The following NFATC1 variants were observed in gnomAD, a reference collection of about 807,000 sequenced individuals.
NFATC1 encodes nuclear factor of activated T-cells, cytoplasmic 1.
In NFATC1, 22 loss-of-function variants were observed where a neutral mutation model predicts 76.0. The ratio of observed to expected loss-of-function variants is 0.29; its 90% confidence interval spans 0.21 to 0.41. The LOEUF is 0.41. Ranked by LOEUF, NFATC1 falls within the 10% of genes least tolerant of loss-of-function variation. The pLI is 1.00. For synonymous variants in NFATC1, 704 were observed against 613.1 expected (o/e 1.15, Z -2.19); for missense variants, 1,357 against 1,337.7 (o/e 1.01, Z -0.23).
At position 79,464,673 on chromosome 18, in the gene NFATC1, T is replaced by TATATATATACACAC. The variant is rs1308332362; in HGVS notation, c.1960-2775_1960-2774insATATATACACACAT. Among the ~76,000 whole-genome samples, 164 of 115,700 alleles carry TATATATATACACAC rather than the reference T, an allele frequency of 1.4e-3. 11 individuals carry two copies. Among genetic ancestry groups the TATATATATACACAC allele is most frequent in the African/African-American group, 2.8e-3 (68 of 24,726 alleles). The allele number at this position is 115,700 out of a possible 152,430, so 75.9% of individuals were successfully genotyped here. A position where few individuals can be genotyped will look rare whatever the true frequency, so the allele number is the denominator to read the frequency against. On this transcript the variant is annotated intron_variant, in intron 7 of 9. Transcript: ENST00000427363. ...TTGTGTGTGTGTGTGTGTGTGTGTA[T>TATATATATACACAC]ATGTATGTGTATATATATATATTTA...
At chr18:79,458,306 CGGGGAGCAGGGCACGAGGATGCTTT>C (rs200434048) in intron 6 of NFATC1, among the ~76,000 whole-genome samples, 1,969 of 147,480 alleles carry the variant, frequency 0.013, 44 homozygotes, top group African/African-American at 0.045. Flanking sequence ...GAGGACGCCG[CGGGGAGCAGGGCACGAGGATGCTTT>C]GGGGAGCAGG....
intron 8 of NFATC1, 151 bp downstream of exon 8, chr18:79,467,733 C>T: frequency 7.9e-7 from 1 of 1,263,132 alleles, no homozygotes; most frequent in Non-Finnish European, 1.0e-6. Flanking sequence ...CATCGATGCC[C>T]TGAAAAGGAA....
chr18:79,440,974 G>A (rs570174632), intron 3 of NFATC1, among the ~76,000 whole-genome samples: 4 of 152,316 alleles, frequency 2.6e-5, no homozygotes, highest in South Asian at 4.1e-4. Flanking sequence ...GCTCGTGTCC[G>A]TGGACCTGCC....
In NFATC1 at chr18:79,420,211, A is replaced by G. The variant is rs577169594; in HGVS notation, c.1226+8710A>G. 3.4e-3 allele frequency among the ~76,000 whole-genome samples: 478 copies of G among 139,532 alleles called. 2 individuals are homozygous for G. Among genetic ancestry groups the G allele is most frequent in the African/African-American group, 0.012 (443 of 36,704 alleles). The allele number at this position is 139,532 out of a possible 152,430, so 91.5% of individuals were successfully genotyped here. A position where few individuals can be genotyped will look rare whatever the true frequency, so the allele number is the denominator to read the frequency against. The stretch of plus-strand genomic sequence containing the variant: ...GTTTCCAGGCGACGTCGCTGCAGAG[A>G]GGAAGAGGGGGACGCGTTTCCAGGT... On this transcript the variant is annotated intron_variant, in intron 2 of 9. Coordinates refer to ENST00000427363, the MANE Select transcript of NFATC1 (RefSeq NM_001278669.2).
chr18:79,405,124 G>A (rs1309975490), intron 1 of NFATC1, among the ~76,000 whole-genome samples: 3 of 152,318 alleles, frequency 2.0e-5, no homozygotes, highest in Non-Finnish European at 2.9e-5. Context: ...CCTGTGTGTC[G>A]TGGGGCACCT....
intron 2 of NFATC1, 56 bp from the exon 3 acceptor site, chr18:79,433,523 G>T: frequency 5.6e-6 from 9 of 1,604,086 alleles, no homozygotes; most frequent in Non-Finnish European, 7.7e-6. Context: ...GGGCACGTGT[G>T]GCCCGGGCGA....
intron 2 of NFATC1, chr18:79,421,440 A>G (rs1279971360): frequency 6.6e-6 from 1 of 152,368 alleles, no homozygotes; most frequent in Non-Finnish European, 1.5e-5. Flanking sequence ...TTTCGCCTGG[A>G]GCCCTGGCTG....
rs371632746 is a variant in NFATC1 at position 79,490,993 on chromosome 18, G to T, written c.2782+4056G>T. 2.6e-5 allele frequency among the ~76,000 whole-genome samples: 4 copies of T among 152,206 alleles called. No individual in the cohort carries two copies. In the South Asian group the frequency reaches 6.2e-4, roughly 24 times the overall value. ...CGAGACTCCAGCTCCATGGAAATGC[G>T]GGGGTGTACCTGGGGACCGTCTCGA... On this transcript the variant is annotated intron_variant, in intron 9 of 9. Coordinates refer to ENST00000427363, the MANE Select transcript of NFATC1 (RefSeq NM_001278669.2).
rs564403953 is a variant in NFATC1, at chr18:79,396,221, G to A, written c.-4G>A. The A allele has an allele frequency of 6.1e-6, 9 of 1,482,668 alleles. No individual in the cohort carries two copies. The highest frequency in any genetic ancestry group is 3.0e-5 in the East Asian group (1 of 33,702). 91.8% of individuals were successfully genotyped at this position (1,482,668 alleles called of 1,614,324 possible). On this transcript the variant is annotated 5_prime_UTR_variant, in exon 1 of 10. Transcript: ENST00000427363. ...CCGCTCCACTCCCCGCCGCCGCCGC[G>A]CGGATGCCAAGCACCAGCTTTCCAG...
chr18:79,422,967 T>C (rs1162138725), intron 2 of NFATC1, among the ~76,000 whole-genome samples: 2 of 151,000 alleles, frequency 1.3e-5, no homozygotes, highest in Non-Finnish European at 1.5e-5. Flanking sequence ...GAGCTCAGCT[T>C]CTCACCCATC....
chr18:79,398,641 C>T (rs1039004635), intron 1 of NFATC1, among the ~76,000 whole-genome samples: 1 of 152,204 alleles, frequency 6.6e-6, no homozygotes, highest in African/African-American at 2.4e-5. Flanking sequence ...GAGCCTCCAT[C>T]CCTGCAGGGC....
chr18:79,475,250 G>A lies in NFATC1; in HGVS notation c.2092+7668G>A, dbSNP rs532272536. Reference sequence around the variant, plus strand: ...AGGGAAGTGTGTTCTCACGCTCACCGTCGACGTTGTAAACCTGAGGGAAGC... The same window carrying A: ...AGGGAAGTGTGTTCTCACGCTCACCATCGACGTTGTAAACCTGAGGGAAGC... On this transcript the variant is annotated intron_variant, in intron 8 of 9. Coordinates refer to ENST00000427363, the MANE Select transcript of NFATC1 (RefSeq NM_001278669.2). Among the ~76,000 whole-genome samples, 150 of 150,342 alleles carry A rather than the reference G, an allele frequency of 1.0e-3. 1 individual carries two copies. The highest frequency in any genetic ancestry group is 3.5e-3 in the African/African-American group (143 of 40,592).
chr18:79,438,529 A>T (rs765488340), intron 3 of NFATC1, among the ~76,000 whole-genome samples: 1 of 152,214 alleles, frequency 6.6e-6, no homozygotes, highest in Admixed American at 6.5e-5. Flanking sequence ...CTCACCCATC[A>T]CACGGGAGGC....
chr18:79,469,745 CTT>C (rs772669983), intron 8 of NFATC1: 28 of 985,848 alleles, frequency 2.8e-5, no homozygotes, highest in Non-Finnish European at 3.1e-5. Flanking sequence ...TCCGTCGTCT[CTT>C]CTCTCCTGGA....
intron 3 of NFATC1, among the ~76,000 whole-genome samples, chr18:79,438,236 A>G (rs1260189042): frequency 6.6e-6 from 1 of 152,190 alleles, no homozygotes; most frequent in Non-Finnish European, 1.5e-5. Flanking sequence ...CGTGGACTGC[A>G]GCCCCCTCGC....
intron 9 of NFATC1, among the ~76,000 whole-genome samples, chr18:79,526,543 G>A (rs1222420683): frequency 1.3e-5 from 2 of 152,104 alleles, no homozygotes; most frequent in South Asian, 4.1e-4. Flanking sequence ...GCTTGCCTGG[G>A]TCTCTGGCCC....
chr18:79,403,222 C>G (rs559202952), intron 1 of NFATC1, among the ~76,000 whole-genome samples: 1 of 152,254 alleles, frequency 6.6e-6, no homozygotes, highest in East Asian at 1.9e-4. Flanking sequence ...GCACAGGTCC[C>G]GCGTCTTCAC....
At position 79,461,381 on chromosome 18, in the gene NFATC1, C is replaced by T. The variant is rs199501445; in HGVS notation, c.1959+15C>T. On this transcript the variant is annotated intron_variant, in intron 7 of 9. Coordinates refer to ENST00000427363, the MANE Select transcript of NFATC1 (RefSeq NM_001278669.2). ...TGTGCAAGCCGGTGAGTGCCTTTGG[C>T]GCAGCTGGAGCTACTGTGGGTCCCC... 7.2e-5 allele frequency: 104 copies of T among 1,451,396 alleles called. No homozygotes were observed. The African/African-American group carries it at 2.5e-3, about 35-fold the overall frequency. 89.9% of individuals were successfully genotyped at this position (1,451,396 alleles called of 1,614,324 possible). A position where few individuals can be genotyped will look rare whatever the true frequency, so the allele number is the denominator to read the frequency against.
intron 2 of NFATC1, among the ~76,000 whole-genome samples, chr18:79,431,517 C>T (rs996369428): frequency 6.6e-6 from 1 of 152,090 alleles, no homozygotes; most frequent in Non-Finnish European, 1.5e-5. Flanking sequence ...TCCTGTGTGG[C>T]TGGGATCACA....
Sources: gnomAD v4.1 joint callset for allele counts (sites outside exome capture counted in the v4.1 genomes callset) on GRCh38, gnomAD v4.1.1 for gene constraint, MANE v1.5 for transcripts, NCBI Gene and HGNC (gene_info 2026-07-23, HGNC 2026-07-21) for gene names.